NDRG3: variants seen among roughly 807,000 people sequenced by gnomAD.
NDRG3 encodes the protein NDRG family member 3.
Under a neutral mutation model 57.2 loss-of-function variants are expected in NDRG3, and 23 were observed. That is an observed-to-expected ratio of 0.40 (90% CI 0.29 to 0.57). The LOEUF is 0.57. NDRG3 is among the 20% of genes least tolerant of loss of function. NDRG3 has a pLI of 0.42. For missense variants in NDRG3, 384 were observed against 457.3 expected, an observed-to-expected ratio of 0.84 and a Z score of 1.46; for synonymous variants, 132 against 162.6, an observed-to-expected ratio of 0.81 and a Z score of 1.43.
At chr20:36,722,282 G>A (rs1325609402) in intron 1 of NDRG3, among the ~76,000 whole-genome samples, 1 of 152,164 alleles carries the variant, frequency 6.6e-6, no homozygotes, top group Non-Finnish European at 1.5e-5. Context: ...GAGCCTGGAA[G>A]CAGATCCTTC....
chr20:36,672,942 A>C (rs372103520), intron 8 of NDRG3, among the ~76,000 whole-genome samples: 78 of 151,956 alleles, frequency 5.1e-4, no homozygotes, highest in African/African-American at 1.8e-3. Context: ...TAGCTCACTG[A>C]AGCCTTGACC....
chr20:36,679,832 T>G (rs1000794803), intron 8 of NDRG3, among the ~76,000 whole-genome samples: 2 of 151,430 alleles, frequency 1.3e-5, no homozygotes, highest in Non-Finnish European at 2.9e-5. Flanking sequence ...TTATTTATTT[T>G]TATTTTTTTC....
intron 2 of NDRG3, among the ~76,000 whole-genome samples, chr20:36,716,686 T>C (rs916420098): frequency 1.2e-4 from 19 of 152,340 alleles, no homozygotes; most frequent in Admixed American, 9.2e-4. Context: ...ACTTGTTTTC[T>C]CAAGCCTCAC....
intron 8 of NDRG3, among the ~76,000 whole-genome samples, chr20:36,677,586 A>G (rs988358782): frequency 1.6e-4 from 25 of 152,220 alleles, no homozygotes; most frequent in Admixed American, 2.0e-4. Context: ...TTCAGGGACA[A>G]CCTGCTGGCA....
intron 12 of NDRG3, among the ~76,000 whole-genome samples, chr20:36,662,431 TG>T (rs920203607): frequency 4.3e-4 from 66 of 152,276 alleles, no homozygotes; most frequent in African/African-American, 1.5e-3. Context: ...TTGGCCAGGC[TG>T]GAACTCCTGA....
At chr20:36,655,608 C>T (rs1205240334) in intron 15 of NDRG3, among the ~76,000 whole-genome samples, 1 of 152,210 alleles carries the variant, frequency 6.6e-6, no homozygotes, top group African/African-American at 2.4e-5. Context: ...CATTTCATTT[C>T]TCTAGGTCAG....
intron 8 of NDRG3, among the ~76,000 whole-genome samples, chr20:36,677,256 G>A (rs539958366): frequency 4.6e-5 from 7 of 152,326 alleles, no homozygotes; most frequent in African/African-American, 7.2e-5. Flanking sequence ...TCCAAGCCCC[G>A]GGGCCATGAA....
At chr20:36,708,659 A>G (rs1248986883) in intron 2 of NDRG3, among the ~76,000 whole-genome samples, 1 of 151,802 alleles carries the variant, frequency 6.6e-6, no homozygotes, top group Non-Finnish European at 1.5e-5. Flanking sequence ...AAAAAAAAAA[A>G]AAAAAAAGAA....
At chr20:36,677,500 A>G (rs1351611929) in intron 8 of NDRG3, among the ~76,000 whole-genome samples, 1 of 152,226 alleles carries the variant, frequency 6.6e-6, no homozygotes, top group African/African-American at 2.4e-5. Context: ...CGCAGGGTAG[A>G]GGATGGCCAG....
chr20:36,665,736 T>A (rs1401205143), intron 10 of NDRG3, among the ~76,000 whole-genome samples: 1 of 152,030 alleles, frequency 6.6e-6, no homozygotes, highest in Non-Finnish European at 1.5e-5. Context: ...GTAGCTGAGA[T>A]TACAGGCGCC....
intron 1 of NDRG3, among the ~76,000 whole-genome samples, chr20:36,724,519 T>C (rs1275267): frequency 0.069 from 10,557 of 152,284 alleles, 1,271 homozygotes; most frequent in African/African-American, 0.24. Context: ...ACTTAACTCT[T>C]AAAATATTGG....
chr20:36,724,997 T>C (rs942399980), intron 1 of NDRG3, among the ~76,000 whole-genome samples: 3 of 150,380 alleles, frequency 2.0e-5, no homozygotes, highest in African/African-American at 7.3e-5. Flanking sequence ...GTGCTCACTT[T>C]AGAAAATATG....
In NDRG3 at chr20:36,669,388, G is replaced by A. The variant is rs538187155; in HGVS notation, c.588+1953C>T. ...GGTACTACAGGCGCGTGCACCACAC[G>A]TGGCTAATTTTTTTTGTATTTTTAG... On this transcript the variant is annotated intron_variant, in intron 9 of 15. Transcript: ENST00000349004. Among the ~76,000 whole-genome samples, 787 of 151,612 alleles carry A rather than the reference G, an allele frequency of 5.2e-3. 8 individuals carry two copies. The highest frequency in any genetic ancestry group is 0.018 in the African/African-American group (753 of 41,290).
intron 1 of NDRG3, among the ~76,000 whole-genome samples, chr20:36,723,717 T>G (rs918610006): frequency 3.3e-5 from 5 of 150,020 alleles, no homozygotes; most frequent in African/African-American, 1.2e-4. Flanking sequence ...TTTTGTTTTT[T>G]TTTTTTTGAG....
intron 1 of NDRG3, among the ~76,000 whole-genome samples, chr20:36,723,172 C>A (rs1984699480): frequency 6.6e-6 from 1 of 152,104 alleles, no homozygotes; most frequent in South Asian, 2.1e-4. Flanking sequence ...CCCACAGAAA[C>A]CATGAGAGAT....
intron 3 of NDRG3, among the ~76,000 whole-genome samples, chr20:36,693,101 AAAAAATATATATATATATATATATAT>A (rs1982423657): frequency 2.1e-5 from 1 of 48,600 alleles, no homozygotes. Context: ...AAAAAAAAAA[AAAAAATATATATATATATATATATAT>A]ATATATATAT....
At chr20:36,694,459 C>A (rs1197701610) in intron 3 of NDRG3, among the ~76,000 whole-genome samples, 2 of 152,200 alleles carry the variant, frequency 1.3e-5, no homozygotes, top group East Asian at 1.9e-4. Context: ...GGCACTGCTT[C>A]TTCTACATAT....
intron 1 of NDRG3, among the ~76,000 whole-genome samples, chr20:36,733,171 AATAT>A (rs1555807708): frequency 2.9e-3 from 96 of 33,192 alleles, no homozygotes; most frequent in East Asian, 0.015. Flanking sequence ...AAAAAAAAAA[AATAT>A]ATATATATAT....
At chr20:36,738,481 CA>C (rs1025778662) in intron 1 of NDRG3, among the ~76,000 whole-genome samples, 1 of 148,340 alleles carries the variant, frequency 6.7e-6, no homozygotes, top group African/African-American at 2.5e-5. Context: ...CTAGACCGGG[CA>C]AAAGAGCAAA....
Sources: allele counts gnomAD v4.1 joint callset (sites outside exome capture counted in the v4.1 genomes callset), GRCh38; gene constraint gnomAD v4.1.1; transcripts MANE v1.5; gene names NCBI Gene and HGNC (gene_info 2026-07-23, HGNC 2026-07-21).